PRORP: variants seen among roughly 807,000 people sequenced by gnomAD.
PRORP encodes mitochondrial ribonuclease P catalytic subunit.
A neutral mutation model predicts 59.4 loss-of-function variants in PRORP; 51 were observed. The ratio of observed to expected loss-of-function variants is 0.86; its 90% CI spans 0.69 to 1.08. The LOEUF is 1.08. Among genes scored for constraint, PRORP ranks in the 50% least tolerant of loss-of-function variants. PRORP has a pLI of 0.00. For synonymous variants in PRORP, 231 were observed against 245.6 expected, an observed-to-expected ratio of 0.94 and a Z score of 0.55; for missense variants, 646 against 690.3, an observed-to-expected ratio of 0.94 and a Z score of 0.72.
intron 5 of PRORP, among the ~76,000 whole-genome samples, chr14:35,203,603 G>A (rs2049212673): frequency 6.6e-6 from 1 of 152,168 alleles, no homozygotes; most frequent in Non-Finnish European, 1.5e-5. Flanking sequence ...AGTGGCTCAT[G>A]CCTGTAATCC....
chr14:35,198,902 T>A (rs988582655), intron 5 of PRORP, among the ~76,000 whole-genome samples: 1 of 151,596 alleles, frequency 6.6e-6, no homozygotes. Context: ...CGTGGTGGCT[T>A]ACGCCTGTAA....
intron 4 of PRORP, among the ~76,000 whole-genome samples, chr14:35,151,637 C>T (rs1341345992): frequency 8.9e-6 from 1 of 111,878 alleles, no homozygotes; most frequent in Non-Finnish European, 1.9e-5. Context: ...TACACACACA[C>T]ATACACACAC....
Position 35,123,626 on chromosome 14 carries a change from TAAGG to T in PRORP, c.385_388del (p.Glu129IlefsTer2). The T allele has an allele frequency of 1.2e-6, 2 of 1,614,108 alleles. No individual in the cohort carries two copies. The highest frequency in any genetic ancestry group is 1.7e-6 in the Non-Finnish European group (2 of 1,180,028). On this transcript the variant is annotated frameshift_variant, in exon 2 of 8. Transcript: ENST00000534898. LOFTEE classifies it high-confidence loss of function. Reference sequence around the variant, plus strand: ...TGAATTCAGAGGAGTGGGATAAACTTAAGGAAGATTTAAAAGAAAACACCGGAAA... The same window carrying T: ...TGAATTCAGAGGAGTGGGATAAACTTAAGATTTAAAAGAAAACACCGGAAA...
At chr14:35,238,202 A>G (rs910381055) in intron 5 of PRORP, among the ~76,000 whole-genome samples, 3 of 152,190 alleles carry the variant, frequency 2.0e-5, no homozygotes, top group Admixed American at 2.0e-4. Flanking sequence ...TGAATCGTTA[A>G]TAAAAGTAAC....
rs147122353 is a variant in PRORP at position 35,212,761 on chromosome 14, T to C, written c.1275+31984T>C. On this transcript the variant is annotated intron_variant, in intron 5 of 7. Transcript: ENST00000534898. Reference sequence around the variant, plus strand: ...CTGGTGAGTGAGCATTGGCTTCAACTTAAAGACAACAGCTACATTAGCCCT... The same window carrying C: ...CTGGTGAGTGAGCATTGGCTTCAACCTAAAGACAACAGCTACATTAGCCCT... Among the ~76,000 whole-genome samples, 133 of 152,306 alleles carry C rather than the reference T, an allele frequency of 8.7e-4. 5 individuals are homozygous for C. The East Asian group carries it at 0.024, about 28-fold the overall frequency.
At position 35,253,396 on chromosome 14, in the gene PRORP, G is replaced by GA. The variant is rs1448858562; in HGVS notation, c.1276-13328dup. On this transcript the variant is annotated intron_variant, in intron 5 of 7. Transcript: ENST00000534898. ...AAGAAAAGAAAGAAAGAAAAAGAAA[G>GA]AAAGAAGGAAAGAAAGAAAAAAAGA... 1.5e-4 allele frequency among the ~76,000 whole-genome samples: 20 copies of GA among 136,430 alleles called. No individual in the cohort carries two copies. The Admixed American group carries it at 1.5e-3, about 10-fold the overall frequency. The allele number at this position is 136,430 out of a possible 152,430, so 89.5% of individuals were successfully genotyped here.
Position 35,123,550 on chromosome 14 carries a change from A to T in PRORP, c.305A>T (p.Asp102Val). 1 of 1,614,182 alleles carries T rather than the reference A, an allele frequency of 6.2e-7. No homozygotes were observed. Among genetic ancestry groups the T allele is most frequent in the Non-Finnish European group, 8.5e-7 (1 of 1,180,038 alleles). The change falls in exon 2 of 8, where the codon GAT becomes GTT. Residue 102 changes from aspartate to valine, a missense_variant. Physicochemically the swap from Asp to Val is radical, Grantham distance 152 (BLOSUM62 -3). Transcript: ENST00000534898. ...TCACAGATGAATTCTCAAACTGAAG[A>T]TCATGCCTTGGCACCTGTGAGGAAC... Reference protein sequence around the residue: ...ERSQMNSQTEDHALAPVRNTI... With the variant: ...ERSQMNSQTEVHALAPVRNTI...
intron 5 of PRORP, among the ~76,000 whole-genome samples, chr14:35,239,253 G>C (rs1412529568): frequency 6.6e-6 from 1 of 151,704 alleles, no homozygotes; most frequent in Non-Finnish European, 1.5e-5. Context: ...AGCGACTTGG[G>C]AGGCTGAGGC....
At chr14:35,130,703 C>T (rs569360081) in intron 4 of PRORP, among the ~76,000 whole-genome samples, 72 of 151,706 alleles carry the variant, frequency 4.7e-4, no homozygotes, top group African/African-American at 1.5e-3. Flanking sequence ...AGGCTGGTTT[C>T]GAACTCCCAA....
At chr14:35,237,113 G>A (rs1474466418) in intron 5 of PRORP, among the ~76,000 whole-genome samples, 4 of 131,424 alleles carry the variant, frequency 3.0e-5, no homozygotes, top group Non-Finnish European at 6.3e-5. Context: ...TCTCTCTCTC[G>A]ACAGAGTCTT....
rs150713059 is a variant in PRORP, at chr14:35,250,301, C to T, written c.1276-16426C>T. Among the ~76,000 whole-genome samples, 3 of 152,196 alleles carry T rather than the reference C, an allele frequency of 2.0e-5. No homozygotes were observed. In the East Asian group the frequency reaches 5.8e-4, roughly 29 times the overall value. ...CATGGTGCCTTGCTCCTCAAACACC[C>T]TACCTACTCCCAGTTTGGACTTAGA... On this transcript the variant is annotated intron_variant, in intron 5 of 7. Transcript: ENST00000534898.
intron 5 of PRORP, among the ~76,000 whole-genome samples, chr14:35,224,668 G>C (rs970670894): frequency 6.6e-6 from 1 of 152,154 alleles, no homozygotes; most frequent in Admixed American, 6.5e-5. Context: ...AATACCTAAT[G>C]AGCATAAAAT....
At position 35,262,600 on chromosome 14, in the gene PRORP, T is replaced by C. The variant is rs2050933927; in HGVS notation, c.1276-4127T>C. ...TCACATCAGTGTAGATTCAGTCTTC[T>C]TGGAAAGAAAGAAAAGAGGCTCCAG... On this transcript the variant is annotated intron_variant, in intron 5 of 7. Transcript: ENST00000534898. 5.5e-6 allele frequency: 4 copies of C among 724,540 alleles called. No homozygotes were observed. In the East Asian group the frequency reaches 1.0e-4, roughly 19 times the overall value. 44.9% of individuals were successfully genotyped at this position (724,540 alleles called of 1,614,324 possible).
At position 35,253,388 on chromosome 14, in the gene PRORP, AAAAG is replaced by A. The variant is rs201551738; in HGVS notation, c.1276-13328_1276-13325del. 6.8e-3 allele frequency among the ~76,000 whole-genome samples: 870 copies of A among 128,178 alleles called. 9 individuals are homozygous for A. Among genetic ancestry groups the A allele is most frequent in the African/African-American group, 0.022 (767 of 35,302 alleles). 84.1% of individuals were successfully genotyped at this position (128,178 alleles called of 152,430 possible). ...AAGAAAGAAAGAAAAGAAAGAAAGA[AAAAG>A]AAAGAAAGAAGGAAAGAAAGAAAAA... On this transcript the variant is annotated intron_variant, in intron 5 of 7. Transcript: ENST00000534898.
chr14:35,265,072 T>C lies in PRORP; in HGVS notation c.1276-1655T>C, dbSNP rs530414713. Among the ~76,000 whole-genome samples the C allele has an allele frequency of 3.3e-4, 50 of 152,334 alleles. 1 individual carries two copies. Among genetic ancestry groups the C allele is most frequent in the African/African-American group, 1.1e-3 (45 of 41,586 alleles). On this transcript the variant is annotated intron_variant, in intron 5 of 7. Transcript: ENST00000534898. The stretch of plus-strand genomic sequence containing the variant: ...TAGATCATCAGAGTCAACGTGTATA[T>C]TGGATATAACAGGTACGAATGTAAT...
chr14:35,181,222 G>GC (rs977876515), intron 5 of PRORP, among the ~76,000 whole-genome samples: 1 of 150,732 alleles, frequency 6.6e-6, no homozygotes, highest in Non-Finnish European at 1.5e-5. Context: ...AACCTAAGCA[G>GC]TTTTTTTTTC....
intron 5 of PRORP, among the ~76,000 whole-genome samples, chr14:35,204,465 A>G (rs918100161): frequency 1.3e-5 from 2 of 152,190 alleles, no homozygotes; most frequent in Non-Finnish European, 2.9e-5. Flanking sequence ...TACCAAATTT[A>G]TTTAGCCTGT....
intron 5 of PRORP, among the ~76,000 whole-genome samples, chr14:35,188,706 C>T (rs1047844218): frequency 1.3e-5 from 2 of 151,502 alleles, no homozygotes; most frequent in African/African-American, 2.4e-5. Flanking sequence ...AGCCGGGCGC[C>T]GTGGCTCACG....
chr14:35,193,641 T>A (rs1026125511), intron 5 of PRORP, among the ~76,000 whole-genome samples: 2 of 151,974 alleles, frequency 1.3e-5, no homozygotes, highest in African/African-American at 4.8e-5. Context: ...TGTATTTTTT[T>A]TTTTTTTTTG....
Sources: gnomAD v4.1 joint callset for allele counts (sites outside exome capture counted in the v4.1 genomes callset) on GRCh38, gnomAD v4.1.1 for gene constraint, MANE v1.5 for transcripts, NCBI Gene and HGNC (gene_info 2026-07-23, HGNC 2026-07-21) for gene names.